The following FSTL5 variants were observed in gnomAD, a reference collection of about 807,000 sequenced individuals.
FSTL5 encodes follistatin-related protein 5.
In FSTL5, 62 loss-of-function variants were observed where a neutral mutation model predicts 89.1. That is an observed-to-expected ratio of 0.70 (90% CI 0.57 to 0.86). The LOEUF (loss-of-function observed/expected upper bound fraction) is 0.86, where lower values mean the gene tolerates loss of function less well. FSTL5 is among the 40% of genes least tolerant of loss of function. FSTL5 has a pLI of 0.00. For missense variants in FSTL5, 1,057 were observed against 1,001.6 expected (o/e 1.06, Z -0.75); for synonymous variants, 383 against 346.2 (o/e 1.11, Z -1.18).
chr4:161,790,668 A>G (rs1308014831), intron 4 of FSTL5, among the ~76,000 whole-genome samples: 1 of 152,258 alleles, frequency 6.6e-6, no homozygotes, highest in Non-Finnish European at 1.5e-5. Flanking sequence ...TTAAAAAGTA[A>G]TGAAAATATT....
chr4:161,762,249 G>C (rs142215029), intron 5 of FSTL5, among the ~76,000 whole-genome samples: 1 of 152,130 alleles, frequency 6.6e-6, no homozygotes, highest in African/African-American at 2.4e-5. Flanking sequence ...TCACTGCAAC[G>C]TCTGCCTCCC....
chr4:161,711,611 T>C (rs13106857), intron 6 of FSTL5, among the ~76,000 whole-genome samples: 81,241 of 151,954 alleles, frequency 0.53, 24,722 homozygotes, highest in East Asian at 0.69. Flanking sequence ...TTAGAAGCTA[T>C]TTTTAACTCA....
intron 6 of FSTL5, among the ~76,000 whole-genome samples, chr4:161,754,782 T>C (rs1740516303): frequency 6.6e-6 from 1 of 152,162 alleles, no homozygotes; most frequent in Admixed American, 6.5e-5. Flanking sequence ...AATTAGTGTA[T>C]GGTTATCTTG....
Position 161,879,642 on chromosome 4 carries a change from C to T in FSTL5, c.409+40762G>A, listed in dbSNP as rs577978559. Among the ~76,000 whole-genome samples, 144 of 152,344 alleles carry T rather than the reference C, an allele frequency of 9.5e-4. No homozygotes were observed. In the Middle Eastern group the frequency reaches 0.01, roughly 11 times the overall value. On this transcript the variant is annotated intron_variant, in intron 4 of 15. Coordinates refer to ENST00000306100, the MANE Select transcript of FSTL5 (RefSeq NM_020116.5). ...CCAAATACATCCAATATGCCACCAC[C>T]TCAGAACCTTTTCAAGCTCTCTGCC...
intron 6 of FSTL5, among the ~76,000 whole-genome samples, chr4:161,703,191 T>C (rs933201214): frequency 2.0e-5 from 3 of 151,984 alleles, no homozygotes; most frequent in African/African-American, 7.3e-5. Flanking sequence ...GAAAAATATA[T>C]ATCTCTTATT....
intron 7 of FSTL5, among the ~76,000 whole-genome samples, chr4:161,601,001 A>T (rs542592495): frequency 2.0e-5 from 3 of 152,314 alleles, no homozygotes; most frequent in African/African-American, 7.2e-5. Flanking sequence ...ACACTAGGGC[A>T]TTGGAAGAAA....
intron 4 of FSTL5, among the ~76,000 whole-genome samples, chr4:161,864,036 A>G (rs1416765250): frequency 1.3e-5 from 2 of 152,216 alleles, no homozygotes; most frequent in Non-Finnish European, 2.9e-5. Flanking sequence ...CTCCAAGAGT[A>G]GTGTCAACTT....
chr4:161,717,059 A>G (rs1331676620), intron 6 of FSTL5, among the ~76,000 whole-genome samples: 1 of 152,176 alleles, frequency 6.6e-6, no homozygotes, highest in Non-Finnish European at 1.5e-5. Context: ...TTCATATTTG[A>G]GGGAGACAGA....
intron 4 of FSTL5, among the ~76,000 whole-genome samples, chr4:161,789,573 T>C (rs938855878): frequency 5.3e-5 from 8 of 152,226 alleles, no homozygotes; most frequent in East Asian, 1.9e-4. Flanking sequence ...ATTTTTTCCA[T>C]ATACATTTGT....
intron 4 of FSTL5, among the ~76,000 whole-genome samples, chr4:161,801,644 T>C (rs1425283801): frequency 6.6e-6 from 1 of 151,300 alleles, no homozygotes; most frequent in African/African-American, 2.4e-5. Context: ...GATACATTCT[T>C]GTAAAACTGT....
chr4:161,755,401 T>C (rs1486298060), intron 6 of FSTL5, among the ~76,000 whole-genome samples: 6 of 152,094 alleles, frequency 3.9e-5, no homozygotes, highest in Non-Finnish European at 5.9e-5. Flanking sequence ...TTTTTTACCA[T>C]TAACTTTTTC....
intron 15 of FSTL5, among the ~76,000 whole-genome samples, chr4:161,422,281 G>A (rs1732016547): frequency 6.6e-6 from 1 of 152,014 alleles, no homozygotes; most frequent in Admixed American, 6.6e-5. Flanking sequence ...TATAAATTAA[G>A]TACCCAGTAG....
intron 4 of FSTL5, among the ~76,000 whole-genome samples, chr4:161,802,748 T>C (rs1274345993): frequency 1.3e-5 from 2 of 151,748 alleles, no homozygotes; most frequent in Admixed American, 6.6e-5. Context: ...CATTTATATG[T>C]GGATAACAAG....
intron 4 of FSTL5, among the ~76,000 whole-genome samples, chr4:161,788,812 C>A (rs957102827): frequency 6.6e-6 from 1 of 152,130 alleles, no homozygotes; most frequent in Non-Finnish European, 1.5e-5. Flanking sequence ...GTTGGAGGAT[C>A]GCTTGAGCCC....
chr4:161,787,234 T>TAG lies in FSTL5; in HGVS notation c.410-11162_410-11161dup, dbSNP rs201085357. On this transcript the variant is annotated intron_variant, in intron 4 of 15. Transcript: ENST00000306100. ...TTAAGGTAACTGTGGAATATCCTGG[T>TAG]AGAGGCCTTGATAAGAGAACAGAAA... Among the ~76,000 whole-genome samples, 852 of 152,232 alleles carry TAG rather than the reference T, an allele frequency of 5.6e-3. 7 individuals carry two copies. Among genetic ancestry groups the TAG allele is most frequent in the Middle Eastern group, 0.02 (6 of 294 alleles).
chr4:162,020,063 T>G (rs1159282152), intron 3 of FSTL5, among the ~76,000 whole-genome samples: 1 of 151,658 alleles, frequency 6.6e-6, no homozygotes, highest in Non-Finnish European at 1.5e-5. Context: ...TCTCATATAT[T>G]ATTACATTCA....
chr4:162,023,310 G>A (rs1051410721), intron 3 of FSTL5, among the ~76,000 whole-genome samples: 1 of 152,124 alleles, frequency 6.6e-6, no homozygotes, highest in Non-Finnish European at 1.5e-5. Flanking sequence ...CAACACTTAA[G>A]TCTGAATAAG....
intron 13 of FSTL5, among the ~76,000 whole-genome samples, chr4:161,472,029 T>G (rs1166072776): frequency 1.3e-5 from 2 of 150,372 alleles, no homozygotes; most frequent in South Asian, 4.2e-4. Flanking sequence ...CAGGCTGGAG[T>G]GCAGTGGCAC....
chr4:161,999,982 GT>G (rs1172840441), intron 3 of FSTL5, among the ~76,000 whole-genome samples: 1 of 152,098 alleles, frequency 6.6e-6, no homozygotes, highest in African/African-American at 2.4e-5. Flanking sequence ...ATCATATAAG[GT>G]CAGCCTGTAC....
Sources: gnomAD v4.1 joint callset for allele counts (sites outside exome capture counted in the v4.1 genomes callset) on GRCh38, gnomAD v4.1.1 for gene constraint, MANE v1.5 for transcripts, NCBI Gene and HGNC (gene_info 2026-07-23, HGNC 2026-07-21) for gene names.